The following ACSF3 variants were observed in gnomAD, a reference collection of about 807,000 sequenced individuals.
ACSF3 encodes malonate--CoA ligase ACSF3, mitochondrial.
A neutral mutation model predicts 53.2 loss-of-function variants in ACSF3; 78 were observed. That is an observed-to-expected ratio of 1.47 (90% CI 1.22 to 1.77). The LOEUF is 1.77. ACSF3 is among the 40% of genes most tolerant of loss of function. ACSF3 has a pLI of 0.00. For missense variants in ACSF3, 937 were observed against 771.1 expected, an observed-to-expected ratio of 1.22 and a Z score of -2.55; for synonymous variants, 414 against 333.1, an observed-to-expected ratio of 1.24 and a Z score of -2.65.
intron 4 of ACSF3, among the ~76,000 whole-genome samples, chr16:89,105,486 A>G (rs566420647): frequency 3.8e-4 from 58 of 151,832 alleles, no homozygotes; most frequent in African/African-American, 1.3e-3. Flanking sequence ...GGGAACTTCC[A>G]TGCCTTTGCT....
At position 89,120,971 on chromosome 16, in the gene ACSF3, G is replaced by A. The variant is rs531100646; in HGVS notation, c.1239+58G>A. 8.1e-5 allele frequency: 119 copies of A among 1,465,268 alleles called. 1 individual carries two copies. The highest frequency in any genetic ancestry group is 8.0e-4 in the African/African-American group (58 of 72,118). 90.8% of individuals were successfully genotyped at this position (1,465,268 alleles called of 1,614,324 possible). A position where few individuals can be genotyped will look rare whatever the true frequency, so the allele number is the denominator to read the frequency against. On this transcript the variant is annotated intron_variant, in intron 7 of 10. Transcript: ENST00000614302. The stretch of plus-strand genomic sequence containing the variant: ...CGTGTGTCCAGTCTAGGCCCCCCAG[G>A]GTGGTTACACTGGTGCATCTTTCCC...
intron 6 of ACSF3, among the ~76,000 whole-genome samples, chr16:89,117,008 T>C (rs1310450348): frequency 2.0e-5 from 3 of 152,150 alleles, no homozygotes; most frequent in African/African-American, 7.2e-5. Flanking sequence ...GCTGGTTTTG[T>C]CCAGTGCCAC....
At chr16:89,101,950 C>G (rs748063834) in intron 3 of ACSF3, among the ~76,000 whole-genome samples, 1 of 152,252 alleles carries the variant, frequency 6.6e-6, no homozygotes, top group Non-Finnish European at 1.5e-5. Flanking sequence ...TGCGCCGTCA[C>G]TCCTGGAAGC....
At position 89,100,871 on chromosome 16, in the gene ACSF3, G is replaced by A. The variant is rs200536797; in HGVS notation, c.190G>A (p.Gly64Ser). 1.6e-5 allele frequency: 26 copies of A among 1,613,496 alleles called. No homozygotes were observed. The highest frequency in any genetic ancestry group is 3.3e-4 in the Middle Eastern group (2 of 6,080). ...CAGAATCGCCCTGGTTGACCAGCACGGCCGCCACACGTACAGGGAGCTTTA... is the reference window on the plus strand; with the variant it reads ...CAGAATCGCCCTGGTTGACCAGCACAGCCGCCACACGTACAGGGAGCTTTA... The part of the protein sequence containing the change: ...GDRIALVDQH[G>S]RHTYRELYSR... Residue 64 changes from glycine to serine, a missense_variant, in exon 3 of 11, where the codon GGC becomes AGC. By Grantham distance (56) the Gly-to-Ser change is moderately conservative. Transcript: ENST00000614302.
intron 10 of ACSF3, chr16:89,152,578 A>C (rs1323407076): frequency 6.6e-6 from 1 of 152,132 alleles, no homozygotes; most frequent in East Asian, 1.9e-4. Context: ...ACTGCAATCC[A>C]GCCTGGGCGA....
rs1311811539 is a variant in ACSF3, at chr16:89,154,535, G to T, written c.*328G>T. ...TGCCCTGCAGTTGCCAGGCTCTCCA[G>T]GGCAGGTCCCAGAGGTTTCCCACAA... On this transcript the variant is annotated 3_prime_UTR_variant, in exon 11 of 11. Transcript: ENST00000614302. 3 of 517,730 alleles carry T rather than the reference G, an allele frequency of 5.8e-6. No individual in the cohort carries two copies. The highest frequency in any genetic ancestry group is 1.0e-4 in the East Asian group (2 of 19,950). The allele number at this position is 517,730 out of a possible 1,614,324, so 32.1% of individuals were successfully genotyped here. A position where few individuals can be genotyped will look rare whatever the true frequency, so the allele number is the denominator to read the frequency against.
intron 7 of ACSF3, among the ~76,000 whole-genome samples, chr16:89,132,158 C>T (rs2045357853): frequency 6.6e-6 from 1 of 152,252 alleles, no homozygotes; most frequent in South Asian, 2.1e-4. Flanking sequence ...TCTGCTATTT[C>T]GCAGCTACTT....
At chr16:89,122,292 C>G (rs1906846127) in intron 7 of ACSF3, 1 of 312,786 alleles carries the variant, frequency 3.2e-6, no homozygotes, top group Non-Finnish European at 6.7e-6. Flanking sequence ...TCCCTGTGGC[C>G]CCCACAGAGC....
At chr16:89,137,486 T>C (rs12929340) in intron 8 of ACSF3, among the ~76,000 whole-genome samples, 3 of 99,982 alleles carry the variant, frequency 3.0e-5, no homozygotes, top group African/African-American at 4.1e-5. Flanking sequence ...CGGGGAAAGA[T>C]TGAGGGGAAG....
intron 7 of ACSF3, among the ~76,000 whole-genome samples, chr16:89,124,604 G>A (rs796532974): frequency 3.0e-4 from 45 of 151,776 alleles, no homozygotes; most frequent in African/African-American, 1.0e-3. Flanking sequence ...ACCCATGCAT[G>A]CACTGCGTGT....
intron 8 of ACSF3, among the ~76,000 whole-genome samples, chr16:89,143,032 C>T (rs140612223): frequency 6.6e-6 from 1 of 152,238 alleles, no homozygotes; most frequent in Admixed American, 6.5e-5. Flanking sequence ...GCTGGTGCTG[C>T]TGGAGATGGG....
chr16:89,111,134 G>A (rs1976624557), intron 4 of ACSF3, among the ~76,000 whole-genome samples: 1 of 152,128 alleles, frequency 6.6e-6, no homozygotes, highest in African/African-American at 2.4e-5. Context: ...TGATTTGAAG[G>A]GCCTTGTCTG....
rs1467248479 is a variant in ACSF3, at chr16:89,155,255, C to G, written c.*1048C>G. ...ACAGTCATCGCCCAGCAGTGTCTGG[C>G]CTGAACTTACCCAGAACATTCTGCC... On this transcript the variant is annotated 3_prime_UTR_variant, in exon 11 of 11. Transcript: ENST00000614302. The G allele has an allele frequency of 2.2e-6, 1 of 454,126 alleles. No individual in the cohort carries two copies. The highest frequency in any genetic ancestry group is 2.3e-5 in the Admixed American group (1 of 42,582). The allele number at this position is 454,126 out of a possible 1,614,324, so 28.1% of individuals were successfully genotyped here.
chr16:89,111,760 C>G (rs1453171476), intron 4 of ACSF3, among the ~76,000 whole-genome samples: 3 of 152,234 alleles, frequency 2.0e-5, no homozygotes, highest in Non-Finnish European at 4.4e-5. Flanking sequence ...TGCGGGCAGC[C>G]AGGCCCTCCT....
In ACSF3 at chr16:89,133,032, C is replaced by T. The variant is rs1909660187; in HGVS notation, c.1240-104C>T. On this transcript the variant is annotated intron_variant, in intron 7 of 10. Coordinates refer to ENST00000614302, the MANE Select transcript of ACSF3 (RefSeq NM_001243279.3). ...GCTCAGTTTCAGAAAGCACGCGGCC[C>T]TGGGTGGGCCCTGGGTGGGCAGGGA... is the stretch of plus-strand genomic sequence containing the variant. The T allele has an allele frequency of 5.8e-6, 9 of 1,551,432 alleles. No individual in the cohort carries two copies. The South Asian group carries it at 8.9e-5, about 15-fold the overall frequency.
At chr16:89,114,257 T>C (rs953521073) in intron 5 of ACSF3, 82 bp from the exon 6 acceptor site, 37 of 1,599,530 alleles carry the variant, frequency 2.3e-5, no homozygotes, top group Non-Finnish European at 3.1e-5. Context: ...AAGGGCCGCC[T>C]CCTGAGGGGC....
chr16:89,145,443 G>T (rs375660693), intron 9 of ACSF3, 42 bp downstream of exon 9: 25 of 1,610,648 alleles, frequency 1.6e-5, no homozygotes, highest in Non-Finnish European at 2.0e-5. Flanking sequence ...GGCTAGACGG[G>T]TGCTGCCTTC....
intron 8 of ACSF3, among the ~76,000 whole-genome samples, chr16:89,136,374 T>G (rs1910467913): frequency 6.6e-6 from 1 of 152,266 alleles, no homozygotes. Context: ...GGAGTATGTG[T>G]GTTTAATTGG....
rs749803884 is a variant in ACSF3 at position 89,154,284 on chromosome 16, C to T, written c.*77C>T. Reference sequence around the variant, plus strand: ...ACACCGAGAACCACGGGGGCCCGTCCAAGACCTGGCCTCCCTTAAACCTGA... The same window carrying T: ...ACACCGAGAACCACGGGGGCCCGTCTAAGACCTGGCCTCCCTTAAACCTGA... On this transcript the variant is annotated 3_prime_UTR_variant, in exon 11 of 11. Coordinates refer to ENST00000614302, the MANE Select transcript of ACSF3 (RefSeq NM_001243279.3). 3 of 1,360,204 alleles carry T rather than the reference C, an allele frequency of 2.2e-6. No individual in the cohort carries two copies. Among genetic ancestry groups the T allele is most frequent in the South Asian group, 2.4e-5 (2 of 83,854 alleles). The allele number at this position is 1,360,204 out of a possible 1,614,324, so 84.3% of individuals were successfully genotyped here. A position where few individuals can be genotyped will look rare whatever the true frequency, so the allele number is the denominator to read the frequency against.
Sources: allele counts gnomAD v4.1 joint callset (sites outside exome capture counted in the v4.1 genomes callset), GRCh38; gene constraint gnomAD v4.1.1; transcripts MANE v1.5; gene names NCBI Gene and HGNC (gene_info 2026-07-23, HGNC 2026-07-21).